MYCBP: variants seen among roughly 807,000 people sequenced by gnomAD.
MYCBP encodes the protein MYC binding protein.
In MYCBP, 5 loss-of-function variants were observed where a neutral mutation model predicts 16.8. That is an observed-to-expected ratio of 0.30 (90% CI 0.16 to 0.63). The LOEUF (loss-of-function observed/expected upper bound fraction) is 0.63, where lower values mean the gene tolerates loss of function less well. MYCBP is among the 20% of genes least tolerant of loss of function. The pLI is 0.83. For missense variants in MYCBP, 103 were observed against 121.8 expected (o/e 0.85, Z 0.73); for synonymous variants, 35 against 43.7 (o/e 0.80, Z 0.79).
rs1422075904 is a variant in MYCBP, at chr1:38,873,220, C to T, written c.15+71G>A. 11 of 1,582,040 alleles carry T rather than the reference C, an allele frequency of 7.0e-6. No individual in the cohort carries two copies. In the East Asian group the frequency reaches 2.5e-4, roughly 36 times the overall value. On this transcript the variant is annotated intron_variant, in intron 1 of 4. Transcript: ENST00000397572. The stretch of plus-strand genomic sequence containing the variant: ...CCGCCCAAACCTGCGCGCGCGACCC[C>T]ACTCCCACCCAGAGCCGACCAGCGG...
At position 38,864,467 on chromosome 1, in the gene MYCBP, CT is replaced by C. The variant is rs1642296420; in HGVS notation, c.*202del. The C allele has an allele frequency of 3.4e-6, 2 of 596,354 alleles. No individual in the cohort carries two copies. The highest frequency in any genetic ancestry group is 2.1e-5 in the South Asian group (1 of 48,156). The allele number at this position is 596,354 out of a possible 1,614,324, so 36.9% of individuals were successfully genotyped here. A position where few individuals can be genotyped will look rare whatever the true frequency, so the allele number is the denominator to read the frequency against. On this transcript the variant is annotated 3_prime_UTR_variant, in exon 5 of 5. Coordinates refer to ENST00000397572, the MANE Select transcript of MYCBP (RefSeq NM_012333.5). Reference sequence around the variant, plus strand: ...GTGTTTAGGTTTTGTTCAGGATTTACTTTGGATTCTCCTGCTTTAAGACCCA... The same window carrying C: ...GTGTTTAGGTTTTGTTCAGGATTTACTTGGATTCTCCTGCTTTAAGACCCA...
chr1:38,864,830 TCA>T (rs1642304548), intron 4 of MYCBP, 116 bp from the exon 5 acceptor site: 13 of 885,128 alleles, frequency 1.5e-5, no homozygotes, highest in African/African-American at 3.4e-5. Flanking sequence ...TGTATTAATA[TCA>T]GTTTCTATAA....
At position 38,863,805 on chromosome 1, in the gene MYCBP, ATATAAT is replaced by A. The variant is rs1452105457; in HGVS notation, c.*859_*864del. 1.3e-5 allele frequency: 2 copies of A among 152,676 alleles called. No homozygotes were observed. Among genetic ancestry groups the A allele is most frequent in the South Asian group, 4.1e-4 (2 of 4,832 alleles). The allele number at this position is 152,676 out of a possible 1,614,324, so 9.5% of individuals were successfully genotyped here. A position where few individuals can be genotyped will look rare whatever the true frequency, so the allele number is the denominator to read the frequency against. On this transcript the variant is annotated 3_prime_UTR_variant, in exon 5 of 5. Coordinates refer to ENST00000397572, the MANE Select transcript of MYCBP (RefSeq NM_012333.5). ...AAATACTTTGAGGGAGAAAAGCACT[ATATAAT>A]TATACCTACAAACTATGATTTTCCC...
intron 2 of MYCBP, 109 bp downstream of exon 2, chr1:38,872,909 G>A (rs958973285): frequency 9.5e-5 from 121 of 1,278,698 alleles, no homozygotes; most frequent in Non-Finnish European, 1.3e-4. Flanking sequence ...GACCCCGGAC[G>A]GGCCCCATCT....
At chr1:38,865,062 A>G (rs1642308346) in intron 4 of MYCBP, among the ~76,000 whole-genome samples, 1 of 152,246 alleles carries the variant, frequency 6.6e-6, no homozygotes, top group African/African-American at 2.4e-5. Flanking sequence ...TACTGAAAAT[A>G]CCCACTGAAA....
chr1:38,866,042 C>CTT (rs1491491478), intron 4 of MYCBP, among the ~76,000 whole-genome samples: 2 of 24,420 alleles, frequency 8.2e-5, no homozygotes, highest in African/African-American at 2.6e-4. Context: ...TCCTAAGAAC[C>CTT]TCTTTTTTTT....
chr1:38,869,094 GT>G (rs542711813), intron 2 of MYCBP, among the ~76,000 whole-genome samples: 224 of 126,666 alleles, frequency 1.8e-3, no homozygotes, highest in African/African-American at 5.2e-3. Flanking sequence ...TTTTTTTTTT[GT>G]TTTTTTTTTT....
rs535408350 is a variant in MYCBP at position 38,868,783 on chromosome 1, G to A, written c.89-1173C>T. ...GAGCCAGGCGTGGTGGCGGGCGGCT[G>A]TAGTCCCAGCTACTCAGGAGGCTGA... On this transcript the variant is annotated intron_variant, in intron 2 of 4. Coordinates refer to ENST00000397572, the MANE Select transcript of MYCBP (RefSeq NM_012333.5). 5.2e-4 allele frequency among the ~76,000 whole-genome samples: 79 copies of A among 152,198 alleles called. 1 individual carries two copies. The highest frequency in any genetic ancestry group is 1.9e-3 in the African/African-American group (78 of 41,532).
At chr1:38,865,367 AGTT>A (rs1280815687) in intron 4 of MYCBP, among the ~76,000 whole-genome samples, 1 of 152,202 alleles carries the variant, frequency 6.6e-6, no homozygotes, top group Non-Finnish European at 1.5e-5. Context: ...TATCTCACAA[AGTT>A]GTTGAGAAGA....
intron 4 of MYCBP, among the ~76,000 whole-genome samples, chr1:38,865,020 A>G (rs1051119976): frequency 4.6e-5 from 7 of 152,222 alleles, no homozygotes; most frequent in Admixed American, 2.0e-4. Flanking sequence ...TCATTTGCTT[A>G]TAAGGAACTT....
Position 38,867,593 on chromosome 1 carries a change from C to T in MYCBP, c.106G>A (p.Glu36Lys), listed in dbSNP as rs1200695685. ...GCACTGTTAGGTTTCTCTGGTTCTT[C>T]ATATAAGGCTACCAACACTGCAAAT... ...TLTKVLVALYEEPEKPNSALD... is the reference protein window; with the variant it reads ...TLTKVLVALYKEPEKPNSALD... Residue 36 changes from glutamate to lysine, a missense_variant, in exon 3 of 5, where the codon GAA (glutamate) becomes AAA (lysine). Coordinates refer to ENST00000397572, the MANE Select transcript of MYCBP (RefSeq NM_012333.5). 6.2e-7 allele frequency: 1 copy of T among 1,613,732 alleles called. No homozygotes were observed. The highest frequency in any genetic ancestry group is 8.5e-7 in the Non-Finnish European group (1 of 1,179,886).
chr1:38,867,677 C>G, intron 2 of MYCBP, 67 bp from the exon 3 acceptor site: 1 of 1,384,118 alleles, frequency 7.2e-7, no homozygotes, highest in African/African-American at 1.4e-5. Flanking sequence ...AATTATGTTC[C>G]ATTACCCAGT....
rs1269517633 is a variant in MYCBP, at chr1:38,871,527, T to A, written c.88+1491A>T. Among the ~76,000 whole-genome samples the A allele has an allele frequency of 2.7e-5, 4 of 148,810 alleles. No individual in the cohort carries two copies. In the Admixed American group the frequency reaches 2.7e-4, roughly 10 times the overall value. On this transcript the variant is annotated intron_variant, in intron 2 of 4. Transcript: ENST00000397572. ...GACCTCCTGGGCTCAGGTGATTCTC[T>A]CACCTCAGCCTCCACAGTAGCTAGA...
Position 38,867,595 on chromosome 1 carries a change from T to A in MYCBP, c.104A>T (p.Tyr35Phe). The change falls in exon 3 of 5, where the codon TAT becomes TTT. Residue 35 changes from tyrosine to phenylalanine, a missense_variant. Transcript: ENST00000397572. ...ACTGTTAGGTTTCTCTGGTTCTTCATATAAGGCTACCAACACTGCAAATCA... is the reference window on the plus strand; with the variant it reads ...ACTGTTAGGTTTCTCTGGTTCTTCAAATAAGGCTACCAACACTGCAAATCA... ...DTLTKVLVAL[Y>F]EEPEKPNSAL... 6.2e-7 allele frequency: 1 copy of A among 1,613,862 alleles called. No homozygotes were observed. The highest frequency in any genetic ancestry group is 8.5e-7 in the Non-Finnish European group (1 of 1,179,938).
At chr1:38,873,211 G>T (rs1642505987) in intron 1 of MYCBP, 80 bp downstream of exon 1, 6 of 1,572,758 alleles carry the variant, frequency 3.8e-6, no homozygotes, top group Non-Finnish European at 5.2e-6. Flanking sequence ...AAACCTGCGC[G>T]CGCGACCCCA....
chr1:38,868,905 C>CA, intron 2 of MYCBP, among the ~76,000 whole-genome samples: 1 of 151,774 alleles, frequency 6.6e-6, no homozygotes, highest in Non-Finnish European at 1.5e-5. Flanking sequence ...GACTCTGTCT[C>CA]AAAAACAAAA....
chr1:38,871,023 T>C (rs1167244511), intron 2 of MYCBP, among the ~76,000 whole-genome samples: 1 of 152,078 alleles, frequency 6.6e-6, no homozygotes, highest in African/African-American at 2.4e-5. Flanking sequence ...GCGGATCACC[T>C]GAGGTAAGGA....
chr1:38,868,661 T>G (rs745847221), intron 2 of MYCBP, among the ~76,000 whole-genome samples: 1 of 152,120 alleles, frequency 6.6e-6, no homozygotes, highest in Non-Finnish European at 1.5e-5. Flanking sequence ...ATCCCAGCAC[T>G]TTGGGAGGCC....
intron 2 of MYCBP, among the ~76,000 whole-genome samples, chr1:38,871,234 G>C (rs1427884127): frequency 1.3e-5 from 2 of 152,084 alleles, no homozygotes; most frequent in African/African-American, 2.4e-5. Flanking sequence ...CTTCTGTGTA[G>C]TCAGTTACCG....
Sources: gnomAD v4.1 joint callset for allele counts (sites outside exome capture counted in the v4.1 genomes callset) on GRCh38, gnomAD v4.1.1 for gene constraint, MANE v1.5 for transcripts, NCBI Gene and HGNC (gene_info 2026-07-23, HGNC 2026-07-21) for gene names.